Variants in TMEM117 observed in about 807,000 individuals in gnomAD.
TMEM117 encodes the protein transmembrane protein 117.
In TMEM117, 27 loss-of-function variants were observed where a neutral mutation model predicts 52.4. That is an observed-to-expected ratio of 0.51 (90% CI 0.38 to 0.71). The LOEUF (loss-of-function observed/expected upper bound fraction) is 0.71, where lower values mean the gene tolerates loss of function less well. TMEM117 is among the 30% of genes least tolerant of loss of function. TMEM117 has a pLI of 0.00. For missense variants in TMEM117, 556 were observed against 630.5 expected (o/e 0.88, Z 1.26); for synonymous variants, 215 against 206.3 (o/e 1.04, Z -0.36).
chr12:44,175,751 G>C (rs1026575284), intron 4 of TMEM117, among the ~76,000 whole-genome samples: 1 of 152,186 alleles, frequency 6.6e-6, no homozygotes, highest in Non-Finnish European at 1.5e-5. Context: ...AGGGGCAGCA[G>C]ATAAGAACAG....
intron 1 of TMEM117, among the ~76,000 whole-genome samples, chr12:43,842,501 A>G (rs149142400): frequency 2.6e-4 from 40 of 152,264 alleles, no homozygotes; most frequent in African/African-American, 9.1e-4. Flanking sequence ...AATAGTCATG[A>G]CAAGTCCTCA....
chr12:43,879,170 GAATTCAA>G (rs1943853331), intron 2 of TMEM117, among the ~76,000 whole-genome samples: 1 of 152,192 alleles, frequency 6.6e-6, no homozygotes, highest in African/African-American at 2.4e-5. Flanking sequence ...GCGAGCCTCA[GAATTCAA>G]AATCAAACTA....
At chr12:44,205,032 C>A (rs1949546490) in intron 4 of TMEM117, among the ~76,000 whole-genome samples, 1 of 152,050 alleles carries the variant, frequency 6.6e-6, no homozygotes, top group African/African-American at 2.4e-5. Flanking sequence ...CAATTGCAAC[C>A]AAAACAAAAA....
At chr12:43,883,358 G>A (rs1250134911) in intron 2 of TMEM117, among the ~76,000 whole-genome samples, 2 of 152,108 alleles carry the variant, frequency 1.3e-5, no homozygotes, top group Non-Finnish European at 2.9e-5. Flanking sequence ...GATTATTCAA[G>A]TCATATCTCT....
rs77062590 is a variant in TMEM117, at chr12:43,938,567, G to A, written c.278-5643G>A. On this transcript the variant is annotated intron_variant, in intron 2 of 7. Transcript: ENST00000266534. ...GACGCCACACTGAGGAAATGGAGCTGGGAAATAGAGATTAATCAAGTCTTG... is the reference window on the plus strand; with the variant it reads ...GACGCCACACTGAGGAAATGGAGCTAGGAAATAGAGATTAATCAAGTCTTG... 3.2e-3 allele frequency among the ~76,000 whole-genome samples: 484 copies of A among 152,140 alleles called. 5 individuals are homozygous for A. Among genetic ancestry groups the A allele is most frequent in the African/African-American group, 9.7e-3 (404 of 41,506 alleles).
chr12:44,127,027 G>C (rs1948337125), intron 3 of TMEM117, among the ~76,000 whole-genome samples: 1 of 152,184 alleles, frequency 6.6e-6, no homozygotes, highest in Non-Finnish European at 1.5e-5. Context: ...CAGTTTAAAT[G>C]ATAAAATATT....
chr12:44,370,978 T>G (rs960467748), intron 6 of TMEM117, among the ~76,000 whole-genome samples: 5 of 152,050 alleles, frequency 3.3e-5, no homozygotes, highest in African/African-American at 1.2e-4. Flanking sequence ...ATAAGCAAAA[T>G]CTACTGTATG....
the TMEM117 span, chr12:43,799,466 G>C: frequency 4.3e-6 from 7 of 1,609,406 alleles, no homozygotes; most frequent in South Asian, 4.4e-5. Flanking sequence ...GATTGTGACA[G>C]CAAGTATTTT....
chr12:43,987,872 A>G (rs1945874088), intron 3 of TMEM117, among the ~76,000 whole-genome samples: 1 of 152,126 alleles, frequency 6.6e-6, no homozygotes, highest in Non-Finnish European at 1.5e-5. Context: ...GAAGTTGAAA[A>G]TTAATATTTA....
chr12:43,922,389 T>G (rs1944709842), intron 2 of TMEM117, among the ~76,000 whole-genome samples: 1 of 152,228 alleles, frequency 6.6e-6, no homozygotes, highest in Admixed American at 6.5e-5. Context: ...GAGAATGTTA[T>G]ATGAAATTAA....
chr12:44,162,864 A>T (rs935292454), intron 4 of TMEM117, among the ~76,000 whole-genome samples: 4 of 152,196 alleles, frequency 2.6e-5, no homozygotes, highest in Admixed American at 6.5e-5. Flanking sequence ...AAGATTTTTT[A>T]AAAATAGCCT....
At chr12:43,934,756 C>A (rs1944923600) in intron 2 of TMEM117, among the ~76,000 whole-genome samples, 1 of 152,056 alleles carries the variant, frequency 6.6e-6, no homozygotes. Flanking sequence ...AGATGATAAC[C>A]ATCTGCTCAA....
At chr12:44,163,012 C>T (rs1001710637) in intron 4 of TMEM117, among the ~76,000 whole-genome samples, 2 of 152,146 alleles carry the variant, frequency 1.3e-5, no homozygotes, top group Non-Finnish European at 2.9e-5. Flanking sequence ...TGGTCAGCCT[C>T]GGTTCTTCTG....
chr12:44,196,608 C>T (rs1461874781), intron 4 of TMEM117, among the ~76,000 whole-genome samples: 1 of 152,170 alleles, frequency 6.6e-6, no homozygotes, highest in East Asian at 1.9e-4. Context: ...TGATATTTCA[C>T]TTATATCTTA....
intron 4 of TMEM117, among the ~76,000 whole-genome samples, chr12:44,207,642 T>A (rs1300123761): frequency 1.3e-5 from 2 of 152,178 alleles, no homozygotes; most frequent in African/African-American, 4.8e-5. Flanking sequence ...TTCATTTGTG[T>A]GTTGTATTAC....
intron 4 of TMEM117, among the ~76,000 whole-genome samples, chr12:44,145,682 G>A (rs533212432): frequency 6.6e-6 from 1 of 152,302 alleles, no homozygotes; most frequent in African/African-American, 2.4e-5. Context: ...AGCCCCATAA[G>A]TGTGAGCAGC....
chr12:44,129,407 G>C (rs926517237), intron 3 of TMEM117, among the ~76,000 whole-genome samples: 7 of 152,186 alleles, frequency 4.6e-5, no homozygotes, highest in African/African-American at 1.7e-4. Flanking sequence ...TTTCCTCCCT[G>C]GTGATCAGCT....
chr12:44,128,787 A>G (rs921723451), intron 3 of TMEM117, among the ~76,000 whole-genome samples: 1 of 152,204 alleles, frequency 6.6e-6, no homozygotes, highest in Admixed American at 6.5e-5. Flanking sequence ...GGCATCATAT[A>G]TTGGTGGCAT....
intron 3 of TMEM117, among the ~76,000 whole-genome samples, chr12:44,062,601 G>A (rs968411500): frequency 5.3e-5 from 8 of 152,170 alleles, no homozygotes; most frequent in Non-Finnish European, 1.0e-4. Flanking sequence ...TGTTCCTTGT[G>A]AGAAGGACTT....
Sources: gnomAD v4.1 joint callset for allele counts (sites outside exome capture counted in the v4.1 genomes callset) on GRCh38, gnomAD v4.1.1 for gene constraint, MANE v1.5 for transcripts, NCBI Gene and HGNC (gene_info 2026-07-23, HGNC 2026-07-21) for gene names.